C8orf88: variants seen among roughly 807,000 people sequenced by gnomAD.
The protein encoded by C8orf88 is chromosome 8 open reading frame 88.
In C8orf88, 14 loss-of-function variants were observed where a neutral mutation model predicts 18.4. That is an observed-to-expected ratio of 0.76 (90% CI 0.50 to 1.19). The LOEUF is 1.19. Among genes scored for constraint, C8orf88 ranks in the 50% most tolerant of loss-of-function variants. The pLI is 0.00. For missense variants in C8orf88, 116 were observed against 134.7 expected (o/e 0.86, Z 0.69); for synonymous variants, 45 against 42.9 (o/e 1.05, Z -0.19).
At chr8:90,984,572 AT>A (rs140002018) in intron 1 of C8orf88, among the ~76,000 whole-genome samples, 31 of 150,390 alleles carry the variant, frequency 2.1e-4, no homozygotes, top group African/African-American at 6.1e-4. Context: ...AACTAATTTA[AT>A]TTTTTTTTTG....
At chr8:90,970,998 G>T in intron 4 of C8orf88, 68 bp downstream of exon 4, 1 of 891,944 alleles carries the variant, frequency 1.1e-6, no homozygotes, top group Non-Finnish European at 1.7e-6. Context: ...AAGTGATAAA[G>T]TAATATTAAC....
At chr8:90,965,229 A>T (rs1259280496) in intron 4 of C8orf88, among the ~76,000 whole-genome samples, 2 of 151,788 alleles carry the variant, frequency 1.3e-5, no homozygotes, top group African/African-American at 4.8e-5. Flanking sequence ...TGAAGTGAGT[A>T]TACTAACATT....
At chr8:90,960,574 G>C (rs1811111300) in intron 5 of C8orf88, among the ~76,000 whole-genome samples, 168 bp downstream of exon 5, 1 of 151,206 alleles carries the variant, frequency 6.6e-6, no homozygotes, top group African/African-American at 2.4e-5. Context: ...TTTTTGAACA[G>C]AGTTACTTTA....
At chr8:90,974,748 C>A (rs1167088682) in intron 3 of C8orf88, among the ~76,000 whole-genome samples, 1 of 151,974 alleles carries the variant, frequency 6.6e-6, no homozygotes, top group Admixed American at 6.6e-5. Flanking sequence ...AAATAAAATT[C>A]TTTCTTTTAG....
chr8:90,963,892 T>C (rs1811160700), intron 4 of C8orf88, among the ~76,000 whole-genome samples: 1 of 150,940 alleles, frequency 6.6e-6, no homozygotes, highest in Non-Finnish European at 1.5e-5. Context: ...GGAGAAGAAA[T>C]GATATTTGAA....
At chr8:90,970,279 T>C (rs1218533928) in intron 4 of C8orf88, among the ~76,000 whole-genome samples, 1 of 151,860 alleles carries the variant, frequency 6.6e-6, no homozygotes, top group Non-Finnish European at 1.5e-5. Flanking sequence ...TTTACCAAGA[T>C]AAAATGTCAA....
chr8:90,978,562 T>C lies in C8orf88; in HGVS notation c.147+17A>G, dbSNP rs1283623384. 4 of 1,473,268 alleles carry C rather than the reference T, an allele frequency of 2.7e-6. No homozygotes were observed. The highest frequency in any genetic ancestry group is 3.6e-6 in the Non-Finnish European group (4 of 1,099,584). 91.3% of individuals were successfully genotyped at this position (1,473,268 alleles called of 1,614,324 possible). A position where few individuals can be genotyped will look rare whatever the true frequency, so the allele number is the denominator to read the frequency against. ...CAATCTATAATATTTCCTTCTGTTA[T>C]AATTTCTAAGACTTACTCTGCTAAC... On this transcript the variant is annotated intron_variant, in intron 3 of 5. Transcript: ENST00000517562.
At chr8:90,983,670 G>A (rs1017700286) in intron 1 of C8orf88, among the ~76,000 whole-genome samples, 10 of 151,836 alleles carry the variant, frequency 6.6e-5, no homozygotes. Flanking sequence ...ATTTAATTTT[G>A]AGCCATATAT....
At chr8:90,960,613 G>A in intron 5 of C8orf88, 129 bp downstream of exon 5, 1 of 478,466 alleles carries the variant, frequency 2.1e-6, no homozygotes, top group Non-Finnish European at 3.6e-6. Flanking sequence ...TTAGATTTTT[G>A]TAGTTTTCTG....
chr8:90,966,779 G>A (rs991807426), intron 4 of C8orf88, among the ~76,000 whole-genome samples: 1 of 151,630 alleles, frequency 6.6e-6, no homozygotes, highest in Non-Finnish European at 1.5e-5. Flanking sequence ...ACTTACAATG[G>A]AGTTATATCC....
At chr8:90,966,469 A>G (rs1337559217) in intron 4 of C8orf88, among the ~76,000 whole-genome samples, 7 of 148,754 alleles carry the variant, frequency 4.7e-5, no homozygotes, top group Non-Finnish European at 1.0e-4. Flanking sequence ...TAACCTGAAC[A>G]TTGTGCACAT....
At chr8:90,964,617 C>T (rs911466861) in intron 4 of C8orf88, among the ~76,000 whole-genome samples, 4 of 151,524 alleles carry the variant, frequency 2.6e-5, no homozygotes, top group African/African-American at 9.7e-5. Flanking sequence ...ATAAAAGCAT[C>T]AATAAATTTT....
chr8:90,972,620 C>T (rs1811298703), intron 3 of C8orf88, among the ~76,000 whole-genome samples: 2 of 152,018 alleles, frequency 1.3e-5, no homozygotes, highest in Non-Finnish European at 1.5e-5. Context: ...AAGTTTTATA[C>T]AGTGATTATC....
At chr8:90,974,026 T>A (rs914372579) in intron 3 of C8orf88, among the ~76,000 whole-genome samples, 26 of 152,064 alleles carry the variant, frequency 1.7e-4, no homozygotes, top group Non-Finnish European at 2.2e-4. Context: ...AACAATTTTT[T>A]AAAAAATAAA....
chr8:90,962,538 A>T (rs1426904153), intron 4 of C8orf88, among the ~76,000 whole-genome samples: 1 of 151,680 alleles, frequency 6.6e-6, no homozygotes, highest in Admixed American at 6.6e-5. Flanking sequence ...GAAGAAAAAA[A>T]AATAGCTAAA....
chr8:90,959,348 G>C, intron 5 of C8orf88: 1 of 165,492 alleles, frequency 6.0e-6, no homozygotes, highest in East Asian at 1.7e-4. Context: ...GTTTTAAAAA[G>C]TGTATGTCAA....
intron 3 of C8orf88, among the ~76,000 whole-genome samples, chr8:90,977,030 T>G (rs1811360801): frequency 6.6e-6 from 1 of 152,122 alleles, no homozygotes; most frequent in Admixed American, 6.6e-5. Context: ...AGAAAATATT[T>G]TTATGCACAT....
chr8:90,974,958 AC>A (rs1811326843), intron 3 of C8orf88, among the ~76,000 whole-genome samples: 1 of 152,190 alleles, frequency 6.6e-6, no homozygotes, highest in South Asian at 2.1e-4. Context: ...AACTCTAGCA[AC>A]CAACCAGTAA....
chr8:90,966,689 A>C (rs1811204699), intron 4 of C8orf88, among the ~76,000 whole-genome samples: 1 of 151,816 alleles, frequency 6.6e-6, no homozygotes, highest in African/African-American at 2.4e-5. Flanking sequence ...GCATCCTGCA[A>C]CTTTGTTGAA....
Sources: allele counts gnomAD v4.1 joint callset (sites outside exome capture counted in the v4.1 genomes callset), GRCh38; gene constraint gnomAD v4.1.1; transcripts MANE v1.5; gene names NCBI Gene and HGNC (gene_info 2026-07-23, HGNC 2026-07-21).